GRM5: variants seen among roughly 807,000 people sequenced by gnomAD.
The protein encoded by GRM5 is metabotropic glutamate receptor 5.
Under a neutral mutation model 83.1 loss-of-function variants are expected in GRM5, and 19 were observed. That is an observed-to-expected ratio of 0.23 (90% CI 0.16 to 0.34). The LOEUF is 0.34. Among genes scored for constraint, GRM5 ranks in the 10% least tolerant of loss-of-function variants. The pLI is 1.00. For missense variants in GRM5, 1,160 were observed against 1,588.3 expected, an observed-to-expected ratio of 0.73 and a Z score of 4.58; for synonymous variants, 675 against 633.6, an observed-to-expected ratio of 1.07 and a Z score of -0.98.
At chr11:88,934,167 A>G (rs1666214067) in intron 2 of GRM5, among the ~76,000 whole-genome samples, 1 of 151,820 alleles carries the variant, frequency 6.6e-6, no homozygotes. Flanking sequence ...AACAATTACT[A>G]GAGGCCTTCT....
intron 9 of GRM5, among the ~76,000 whole-genome samples, chr11:88,523,759 C>G (rs1285567760): frequency 1.3e-5 from 2 of 152,168 alleles, no homozygotes; most frequent in Non-Finnish European, 2.9e-5. Flanking sequence ...GCACCATTTT[C>G]ATAGACTGCA....
At chr11:89,062,177 T>A (rs573292687) in intron 1 of GRM5, among the ~76,000 whole-genome samples, 13 of 152,192 alleles carry the variant, frequency 8.5e-5, no homozygotes, top group Non-Finnish European at 1.8e-4. Flanking sequence ...ATAGCCACAA[T>A]TGATTCTTAC....
At chr11:88,608,563 G>A (rs1938231415) in intron 4 of GRM5, among the ~76,000 whole-genome samples, 1 of 132,342 alleles carries the variant, frequency 7.6e-6, no homozygotes, top group Admixed American at 9.1e-5. Context: ...CTGTGGTCCA[G>A]GCTGGAGTGC....
intron 3 of GRM5, among the ~76,000 whole-genome samples, chr11:88,737,404 A>C (rs1010164492): frequency 1.3e-5 from 2 of 152,074 alleles, no homozygotes; most frequent in Admixed American, 1.3e-4. Context: ...ATGAACACTT[A>C]AATGTTGATT....
chr11:88,857,844 A>G (rs1338988330), intron 2 of GRM5, among the ~76,000 whole-genome samples: 2 of 152,188 alleles, frequency 1.3e-5, no homozygotes, highest in Non-Finnish European at 1.5e-5. Context: ...AAGTTAAATG[A>G]TCCAAGAAAT....
rs1459575963 is a variant in GRM5 at position 88,509,202 on chromosome 11, A to T, written c.3029T>A (p.Phe1010Tyr). 1 of 1,534,268 alleles carries T rather than the reference A, an allele frequency of 6.5e-7. No individual in the cohort carries two copies. The highest frequency in any genetic ancestry group is 8.8e-7 in the Non-Finnish European group (1 of 1,142,744). Residue 1010 changes from phenylalanine to tyrosine, a missense_variant, in exon 10 of 10, where the codon TTC becomes TAC. Phe to Tyr is a conservative substitution (Grantham distance 22, BLOSUM62 3). Around this residue, in one of 9 missense-constraint regions of GRM5, gnomAD observed 562 missense variants for 532.4 expected, o/e 1.06. Transcript: ENST00000305447. ...TGAGCGCGGCCGCGCGGGCGCCGGGAAGTGCTCCTCAGCCTCGGCCACATC... is the reference window on the plus strand; with the variant it reads ...TGAGCGCGGCCGCGCGGGCGCCGGGTAGTGCTCCTCAGCCTCGGCCACATC... ...LYDVAEAEEHFPAPARPRSPS... is the reference protein window; with the variant it reads ...LYDVAEAEEHYPAPARPRSPS...
intron 2 of GRM5, among the ~76,000 whole-genome samples, chr11:88,924,309 TATGTAAAGGAA>T (rs1455904995): frequency 2.6e-5 from 4 of 152,104 alleles, no homozygotes; most frequent in Non-Finnish European, 4.4e-5. Flanking sequence ...GCTAGGTATC[TATGTAAAGGAA>T]ATGAAGTCAG....
At position 88,817,915 on chromosome 11, in the gene GRM5, C is replaced by T. The variant is rs112581395; in HGVS notation, c.911+31991G>A. ...CTTTGAAGTCTATATTTTTAGCCAA[C>T]ATGTTACACTGCTTCCCTAAGTCTG... On this transcript the variant is annotated intron_variant, in intron 3 of 9. Transcript: ENST00000305447. Among the ~76,000 whole-genome samples the T allele has an allele frequency of 2.9e-3, 437 of 152,166 alleles. 2 individuals are homozygous for T. The highest frequency in any genetic ancestry group is 0.01 in the African/African-American group (421 of 41,550).
At chr11:88,584,020 T>C (rs1346618171) in intron 7 of GRM5, among the ~76,000 whole-genome samples, 2 of 152,160 alleles carry the variant, frequency 1.3e-5, no homozygotes, top group African/African-American at 4.8e-5. Flanking sequence ...TTATCCTCTC[T>C]TTATAATTCC....
At chr11:88,611,639 A>T (rs891777788) in intron 4 of GRM5, among the ~76,000 whole-genome samples, 1 of 152,044 alleles carries the variant, frequency 6.6e-6, no homozygotes, top group Non-Finnish European at 1.5e-5. Flanking sequence ...GCCTATCAAT[A>T]TTGTTTAATC....
At chr11:88,994,279 T>C (rs4554888) in intron 2 of GRM5, among the ~76,000 whole-genome samples, 2,426 of 90,272 alleles carry the variant, frequency 0.027, no homozygotes, top group South Asian at 0.038. Context: ...ATTAGAAGAA[T>C]TAATATTGTT....
At chr11:88,578,780 T>G (rs1943167029) in intron 7 of GRM5, among the ~76,000 whole-genome samples, 1 of 152,094 alleles carries the variant, frequency 6.6e-6, no homozygotes, top group Non-Finnish European at 1.5e-5. Flanking sequence ...CCCTGGAATC[T>G]CATTTTAAAA....
At chr11:88,598,547 C>T (rs1937885468) in intron 5 of GRM5, among the ~76,000 whole-genome samples, 1 of 151,720 alleles carries the variant, frequency 6.6e-6, no homozygotes, top group South Asian at 2.1e-4. Context: ...CTAAATTCTA[C>T]TTCTAAATCA....
intron 3 of GRM5, among the ~76,000 whole-genome samples, chr11:88,736,713 T>C (rs1274899587): frequency 2.0e-5 from 3 of 152,030 alleles, no homozygotes; most frequent in Admixed American, 2.0e-4. Flanking sequence ...TTCTGGATAA[T>C]TCACTGATTC....
At chr11:88,668,174 A>T (rs943370734) in intron 3 of GRM5, among the ~76,000 whole-genome samples, 1 of 151,694 alleles carries the variant, frequency 6.6e-6, no homozygotes, top group Non-Finnish European at 1.5e-5. Flanking sequence ...ATATCTCTTA[A>T]ATCAGTGGAA....
intron 3 of GRM5, among the ~76,000 whole-genome samples, chr11:88,793,075 G>C (rs1471832338): frequency 6.6e-6 from 1 of 151,990 alleles, no homozygotes; most frequent in Non-Finnish European, 1.5e-5. Context: ...CATTCTTATA[G>C]TTACAGATTA....
At chr11:88,827,798 C>T (rs1943918582) in intron 3 of GRM5, among the ~76,000 whole-genome samples, 1 of 152,170 alleles carries the variant, frequency 6.6e-6, no homozygotes, top group African/African-American at 2.4e-5. Flanking sequence ...AAATCCCTTT[C>T]CTCATGGAGC....
At chr11:88,671,529 A>G (rs2135332888) in intron 3 of GRM5, among the ~76,000 whole-genome samples, 1 of 152,172 alleles carries the variant, frequency 6.6e-6, no homozygotes, top group South Asian at 2.1e-4. Context: ...CAAAATGTTC[A>G]TCACCAGTAG....
intron 3 of GRM5, among the ~76,000 whole-genome samples, chr11:88,775,173 G>C (rs532104342): frequency 1.9e-4 from 29 of 152,212 alleles, no homozygotes; most frequent in African/African-American, 6.7e-4. Context: ...TCTTGGGAGC[G>C]TGTATGCGTC....
Sources: gnomAD v4.1 joint callset for allele counts (sites outside exome capture counted in the v4.1 genomes callset) on GRCh38, gnomAD v4.1.1 for gene constraint, gnomAD v4.1.1 regional missense constraint, MANE v1.5 for transcripts, NCBI Gene and HGNC (gene_info 2026-07-23, HGNC 2026-07-21) for gene names.